Variants in PCDHGA11 observed in about 807,000 individuals in gnomAD.
PCDHGA11 encodes protocadherin gamma-A11.
A neutral mutation model predicts 60.4 loss-of-function variants in PCDHGA11; 39 were observed. The ratio of observed to expected loss-of-function variants is 0.65; its 90% CI spans 0.50 to 0.84. The LOEUF (loss-of-function observed/expected upper bound fraction) is 0.84. Among genes scored for constraint, PCDHGA11 ranks in the 40% least tolerant of loss-of-function variants. The pLI is 0.00. For synonymous variants in PCDHGA11, 533 were observed against 510.3 expected, an observed-to-expected ratio of 1.04 and a Z score of -0.60; for missense variants, 1,165 against 1,197.7, an observed-to-expected ratio of 0.97 and a Z score of 0.40.
In PCDHGA11 at chr5:141,491,803, C is replaced by T. The variant is rs2099730932; in HGVS notation, c.2434-3004C>T. ...CTTGCATCCACTCCTCTCCGGCCGG[C>T]TTGGTCGCTGGCTGCGCTCCACCCG... On this transcript the variant is annotated intron_variant, in intron 1 of 3. Transcript: ENST00000398587. This position sits in a 1 kb window ranked among gnomAD's most constrained non-coding sequence, Gnocchi z 6.9. 1 of 1,497,820 alleles carries T rather than the reference C, an allele frequency of 6.7e-7. No individual in the cohort carries two copies. Among genetic ancestry groups the T allele is most frequent in the Non-Finnish European group, 8.9e-7 (1 of 1,124,124 alleles). 92.8% of individuals were successfully genotyped at this position (1,497,820 alleles called of 1,614,324 possible).
intron 1 of PCDHGA11, among the ~76,000 whole-genome samples, chr5:141,435,547 G>T (rs2097769325): frequency 6.6e-6 from 1 of 152,114 alleles, no homozygotes. Context: ...AACAAAATGT[G>T]TTTTGAGTGC....
Position 141,423,337 on chromosome 5 carries a change from A to G in PCDHGA11, c.2110A>G (p.Ile704Val), listed in dbSNP as rs769321122. The G allele has an allele frequency of 6.0e-5, 97 of 1,614,180 alleles. 1 individual carries two copies. The African/African-American group carries it at 8.9e-4, about 15-fold the overall frequency. ...GGTGGCGGTGGCCGCAGTCTCCTGC[A>G]TCTTCCTGGTCTTTGTCATCGTGCT... ...LVVAVAAVSC[I>V]FLVFVIVLLA... The change falls in exon 1 of 4, where the codon ATC becomes GTC. Residue 704 changes from isoleucine (I) to valine (V), a missense_variant. By Grantham distance (29) the Ile-to-Val change is conservative (BLOSUM62 3). Coordinates refer to ENST00000398587, the MANE Select transcript of PCDHGA11 (RefSeq NM_018914.3).
chr5:141,497,544 T>C (rs1410779650), intron 2 of PCDHGA11, among the ~76,000 whole-genome samples: 4 of 150,796 alleles, frequency 2.7e-5, no homozygotes, highest in African/African-American at 9.8e-5. Flanking sequence ...ACAAACCTTT[T>C]TTTTTTTTTT....
intron 1 of PCDHGA11, among the ~76,000 whole-genome samples, chr5:141,439,279 CT>C (rs2098102664): frequency 6.6e-6 from 1 of 151,930 alleles, no homozygotes; most frequent in African/African-American, 2.4e-5. Flanking sequence ...CATTCTGAGA[CT>C]GTGTTCCATG....
At chr5:141,435,054 C>A (rs891988253) in intron 1 of PCDHGA11, among the ~76,000 whole-genome samples, 7 of 151,964 alleles carry the variant, frequency 4.6e-5, no homozygotes, top group Admixed American at 1.3e-4. Context: ...ATTGACCATG[C>A]AGCAGTTTTG....
chr5:141,439,172 G>A (rs1181712838), intron 1 of PCDHGA11, among the ~76,000 whole-genome samples: 1 of 147,496 alleles, frequency 6.8e-6, no homozygotes, highest in Admixed American at 6.8e-5. Context: ...CAGCCTGGGC[G>A]ACATAGTGAG....
Position 141,431,067 on chromosome 5 carries a change from A to G in PCDHGA11, c.2433+7407A>G. The G allele has an allele frequency of 1.2e-6, 2 of 1,614,164 alleles. No homozygotes were observed. Among genetic ancestry groups the G allele is most frequent in the Non-Finnish European group, 1.7e-6 (2 of 1,179,976 alleles). Reference sequence around the variant, plus strand: ...CTCTGTATGGGGGCCATCAAGTGTCAATTAAATCTAGACATTCTGATGGAG... The same window carrying G: ...CTCTGTATGGGGGCCATCAAGTGTCGATTAAATCTAGACATTCTGATGGAG... On this transcript the variant is annotated intron_variant, in intron 1 of 3. Transcript: ENST00000398587. This position sits in a 1 kb window ranked among gnomAD's most constrained non-coding sequence, Gnocchi z 4.8.
intron 1 of PCDHGA11, among the ~76,000 whole-genome samples, chr5:141,483,203 A>G (rs940487337): frequency 6.6e-6 from 1 of 152,204 alleles, no homozygotes; most frequent in Admixed American, 6.5e-5. Flanking sequence ...ATTTTATTCC[A>G]TATAGATGAC....
intron 1 of PCDHGA11, among the ~76,000 whole-genome samples, chr5:141,425,058 G>A (rs938128250): frequency 1.3e-5 from 2 of 151,986 alleles, no homozygotes; most frequent in African/African-American, 2.4e-5. Context: ...TCTAGGGCTC[G>A]GACAAAAATA....
In PCDHGA11 at chr5:141,489,958, C is replaced by T; in HGVS notation, c.2434-4849C>T. 1 of 1,614,202 alleles carries T rather than the reference C, an allele frequency of 6.2e-7. No individual in the cohort carries two copies. The highest frequency in any genetic ancestry group is 8.5e-7 in the Non-Finnish European group (1 of 1,180,016). On this transcript the variant is annotated intron_variant, in intron 1 of 3. Transcript: ENST00000398587. This position sits in a 1 kb window ranked among gnomAD's most constrained non-coding sequence, Gnocchi z 4.5. ...CGTGCTGGACATCAATGATAATGCT[C>T]CAACCTTCCAATCCTCAGTTCTACG... is the stretch of plus-strand genomic sequence containing the variant.
intron 1 of PCDHGA11, among the ~76,000 whole-genome samples, chr5:141,466,558 C>T (rs1407160827): frequency 6.6e-6 from 1 of 152,120 alleles, no homozygotes; most frequent in Non-Finnish European, 1.5e-5. Flanking sequence ...CTGTGGGCTT[C>T]ATCTTCAACA....
In PCDHGA11 at chr5:141,490,506, C is replaced by T. The variant is rs967095367; in HGVS notation, c.2434-4301C>T. ...GGGAGGCCACATCCCACTATATCAT[C>T]GAGCTGCTGGCCAGCGATGCTGGTT... is the stretch of plus-strand genomic sequence containing the variant. On this transcript the variant is annotated intron_variant, in intron 1 of 3. Transcript: ENST00000398587. This position sits in a 1 kb window ranked among gnomAD's most constrained non-coding sequence, Gnocchi z 5.4. The T allele has an allele frequency of 1.2e-5, 19 of 1,614,116 alleles. No homozygotes were observed. The highest frequency in any genetic ancestry group is 2.2e-5 in the South Asian group (2 of 91,088).
chr5:141,467,788 A>G (rs2099151778), intron 1 of PCDHGA11, among the ~76,000 whole-genome samples: 1 of 152,020 alleles, frequency 6.6e-6, no homozygotes. Flanking sequence ...CCTCTCAAGT[A>G]GCTGGGACTA....
In PCDHGA11 at chr5:141,494,634, T is replaced by C. The variant is rs917243803; in HGVS notation, c.2434-173T>C. The C allele has an allele frequency of 1.1e-5, 10 of 889,216 alleles. No individual in the cohort carries two copies. In the African/African-American group the frequency reaches 1.8e-4, roughly 16 times the overall value. 55.1% of individuals were successfully genotyped at this position (889,216 alleles called of 1,614,324 possible). A position where few individuals can be genotyped will look rare whatever the true frequency, so the allele number is the denominator to read the frequency against. On this transcript the variant is annotated intron_variant, in intron 1 of 3. Coordinates refer to ENST00000398587, the MANE Select transcript of PCDHGA11 (RefSeq NM_018914.3). ...CTTGGTTTCTGGTACCTCAGACCTC[T>C]GAGACCTGAGGTGTATTTTGTCTTT...
At chr5:141,444,129 T>C (rs897901109) in intron 1 of PCDHGA11, among the ~76,000 whole-genome samples, 3 of 147,096 alleles carry the variant, frequency 2.0e-5, no homozygotes, top group African/African-American at 5.0e-5. Context: ...TCTCAACAGA[T>C]ATGTGTCACT....
At chr5:141,437,796 G>A (rs2097911691) in intron 1 of PCDHGA11, among the ~76,000 whole-genome samples, 1 of 150,348 alleles carries the variant, frequency 6.7e-6, no homozygotes, top group South Asian at 2.1e-4. Context: ...GGAGTGCAGT[G>A]GCACTATCTT....
At position 141,487,147 on chromosome 5, in the gene PCDHGA11, T is replaced by C; in HGVS notation, c.2434-7660T>C. 1 of 1,614,122 alleles carries C rather than the reference T, an allele frequency of 6.2e-7. No individual in the cohort carries two copies. Among genetic ancestry groups the C allele is most frequent in the Non-Finnish European group, 8.5e-7 (1 of 1,179,952 alleles). On this transcript the variant is annotated intron_variant, in intron 1 of 3. Transcript: ENST00000398587. This position sits in a 1 kb window ranked among gnomAD's most constrained non-coding sequence, Gnocchi z 5.0. ...GTGGTAGTCCACCACTCTCTACCTC[T>C]GTTACTCTCTTAGTGTCCTTAGAGG...
intron 1 of PCDHGA11, among the ~76,000 whole-genome samples, chr5:141,472,039 A>T (rs913132856): frequency 1.3e-5 from 2 of 152,200 alleles, no homozygotes; most frequent in Non-Finnish European, 2.9e-5. Context: ...AGCTGTGAAA[A>T]GATTTTAAAA....
intron 1 of PCDHGA11, among the ~76,000 whole-genome samples, chr5:141,462,868 T>C (rs1232965498): frequency 6.6e-6 from 1 of 152,228 alleles, no homozygotes; most frequent in East Asian, 1.9e-4. Context: ...TTTGTCTTTC[T>C]TTAAGAACTA....
Sources: allele counts gnomAD v4.1 joint callset (sites outside exome capture counted in the v4.1 genomes callset), GRCh38; gene constraint gnomAD v4.1.1; non-coding constraint Gnocchi (gnomAD v3.1); transcripts MANE v1.5; gene names NCBI Gene and HGNC (gene_info 2026-07-23, HGNC 2026-07-21).